The following HECTD2 variants were observed in gnomAD, a reference collection of about 807,000 sequenced individuals.
The protein encoded by HECTD2 is HECT domain E3 ubiquitin protein ligase 2, also known as probable E3 ubiquitin-protein ligase HECTD2.
In HECTD2, 35 loss-of-function variants were observed where a neutral mutation model predicts 103.2. The observed-to-expected ratio is 0.34, with a 90% CI of 0.26 to 0.45. The LOEUF (loss-of-function observed/expected upper bound fraction) is 0.45, where lower values mean the gene tolerates loss of function less well. Among genes scored for constraint, HECTD2 ranks in the 20% least tolerant of loss-of-function variants. The probability of loss-of-function intolerance (pLI) is 1.00; values close to 1 mark genes in which losing one functional copy is unlikely to be tolerated. For synonymous variants in HECTD2, 281 were observed against 329.9 expected (o/e 0.85, Z 1.61); for missense variants, 596 against 937.4 (o/e 0.64, Z 4.76).
intron 14 of HECTD2, among the ~76,000 whole-genome samples, chr10:91,495,774 T>A (rs1846643555): frequency 6.7e-6 from 1 of 149,952 alleles, no homozygotes; most frequent in Non-Finnish European, 1.5e-5. Context: ...TCTTCACACA[T>A]AGTCTGTTTT....
intron 2 of HECTD2, among the ~76,000 whole-genome samples, chr10:91,453,089 CAA>C (rs911160357): frequency 1.3e-5 from 2 of 152,036 alleles, no homozygotes; most frequent in African/African-American, 4.8e-5. Context: ...GTAGTTGAAA[CAA>C]AAATTATAAC....
chr10:91,469,531 A>G (rs973982736), intron 5 of HECTD2, among the ~76,000 whole-genome samples: 1 of 152,210 alleles, frequency 6.6e-6, no homozygotes, highest in African/African-American at 2.4e-5. Context: ...GAGAAATAAG[A>G]TACTTTTCTG....
intron 5 of HECTD2, among the ~76,000 whole-genome samples, chr10:91,471,758 G>C (rs987805355): frequency 1.3e-5 from 2 of 152,112 alleles, no homozygotes; most frequent in Non-Finnish European, 2.9e-5. Flanking sequence ...AACCAGTGAG[G>C]TAAGAGAGCA....
At chr10:91,494,188 A>G (rs1296705927) in intron 14 of HECTD2, among the ~76,000 whole-genome samples, 1 of 151,902 alleles carries the variant, frequency 6.6e-6, no homozygotes, top group Non-Finnish European at 1.5e-5. Context: ...CACTGGAGAT[A>G]AGAAAGTATA....
At position 91,512,742 on chromosome 10, in the gene HECTD2, G is replaced by A. The variant is rs115440963; in HGVS notation, c.*358G>A. ...GTATAGTTGAACCCAGTGGCAGATT[G>A]TACACTGCTAGCACTGCTAGCACAC... On this transcript the variant is annotated 3_prime_UTR_variant, in exon 21 of 21. Transcript: ENST00000298068. The A allele has an allele frequency of 0.012, 2,378 of 204,708 alleles. 52 individuals carry two copies. The highest frequency in any genetic ancestry group is 0.051 in the African/African-American group (2,225 of 43,726). The allele number at this position is 204,708 out of a possible 1,614,324, so 12.7% of individuals were successfully genotyped here.
chr10:91,454,584 T>A (rs987827924), intron 2 of HECTD2, among the ~76,000 whole-genome samples: 5 of 152,070 alleles, frequency 3.3e-5, no homozygotes, highest in Non-Finnish European at 5.9e-5. Context: ...CTTTTTTTTT[T>A]AATACTTTAA....
At chr10:91,503,756 G>C (rs182122402) in intron 20 of HECTD2, among the ~76,000 whole-genome samples, 1 of 152,172 alleles carries the variant, frequency 6.6e-6, no homozygotes, top group Non-Finnish European at 1.5e-5. Flanking sequence ...CAGGAAGCTC[G>C]AACTGGGTGG....
intron 6 of HECTD2, 33 bp downstream of exon 6, chr10:91,478,298 G>T (rs1224734608): frequency 1.5e-6 from 2 of 1,290,898 alleles, no homozygotes; most frequent in Non-Finnish European, 2.3e-6. Flanking sequence ...TAGCTAATCA[G>T]TATAGATGTC....
chr10:91,458,411 G>A (rs1043153085), intron 2 of HECTD2, among the ~76,000 whole-genome samples: 3 of 151,888 alleles, frequency 2.0e-5, no homozygotes, highest in African/African-American at 4.8e-5. Flanking sequence ...TATGTTTTTT[G>A]TTGTTGATAT....
intron 5 of HECTD2, among the ~76,000 whole-genome samples, chr10:91,477,602 T>C (rs1443575543): frequency 1.3e-5 from 2 of 152,198 alleles, no homozygotes; most frequent in Admixed American, 6.5e-5. Flanking sequence ...GAATGAGTGC[T>C]GATAGACATG....
chr10:91,427,634 C>T (rs1843626688), intron 2 of HECTD2, among the ~76,000 whole-genome samples: 1 of 152,162 alleles, frequency 6.6e-6, no homozygotes, highest in Non-Finnish European at 1.5e-5. Flanking sequence ...TTTTTGGCAG[C>T]ATAAATGTCT....
rs1847517772 is a variant in HECTD2, at chr10:91,513,886, A to G, written c.*1502A>G. The G allele has an allele frequency of 6.6e-6, 1 of 152,600 alleles. No homozygotes were observed. Among genetic ancestry groups the G allele is most frequent in the Non-Finnish European group, 1.5e-5 (1 of 68,016 alleles). The allele number at this position is 152,600 out of a possible 1,614,324, so 9.5% of individuals were successfully genotyped here. On this transcript the variant is annotated 3_prime_UTR_variant, in exon 21 of 21. Coordinates refer to ENST00000298068, the MANE Select transcript of HECTD2 (RefSeq NM_182765.6). The stretch of plus-strand genomic sequence containing the variant: ...AAGCCAACCCACAAATCTTTGAGGA[A>G]AAGGGGTCACTTTGTTTACTATTCT...
At chr10:91,479,234 T>C (rs1466294125) in intron 6 of HECTD2, among the ~76,000 whole-genome samples, 1 of 152,188 alleles carries the variant, frequency 6.6e-6, no homozygotes, top group Non-Finnish European at 1.5e-5. Context: ...ACTTTTTATA[T>C]AGCACATTCC....
intron 14 of HECTD2, among the ~76,000 whole-genome samples, chr10:91,495,243 C>T (rs1020753956): frequency 6.6e-6 from 1 of 151,874 alleles, no homozygotes; most frequent in Non-Finnish European, 1.5e-5. Flanking sequence ...CAGGTATGAA[C>T]ATTGAGAAAA....
intron 2 of HECTD2, among the ~76,000 whole-genome samples, chr10:91,453,600 TA>T (rs1239771645): frequency 6.6e-6 from 1 of 152,102 alleles, no homozygotes; most frequent in African/African-American, 2.4e-5. Flanking sequence ...AAGAGAATTC[TA>T]AAACATGTTT....
At position 91,485,270 on chromosome 10, in the gene HECTD2, A is replaced by G. The variant is rs1392442959; in HGVS notation, c.1061A>G (p.Tyr354Cys). Residue 354 changes from tyrosine to cysteine, a missense_variant, in exon 10 of 21, where the codon TAT becomes TGT. Physicochemically the swap from Tyr to Cys is radical, Grantham distance 194. Transcript: ENST00000298068. ...GATCACATTGATCTCATGGAAGAAT[A>G]TCATACTTGGCAAAACTTTGGAAAC... ...TLDHIDLMEE[Y>C]HTWQNFGNSH... 6.3e-7 allele frequency: 1 copy of G among 1,596,710 alleles called. No individual in the cohort carries two copies. The highest frequency in any genetic ancestry group is 2.3e-5 in the East Asian group (1 of 43,932).
At chr10:91,444,100 AGAGT>A (rs1356942467) in intron 2 of HECTD2, among the ~76,000 whole-genome samples, 1 of 152,094 alleles carries the variant, frequency 6.6e-6, no homozygotes, top group African/African-American at 2.4e-5. Flanking sequence ...TGGCTCCTAT[AGAGT>A]TTTTCTTCCT....
At chr10:91,438,262 G>A (rs1825175935) in intron 2 of HECTD2, among the ~76,000 whole-genome samples, 1 of 152,108 alleles carries the variant, frequency 6.6e-6, no homozygotes, top group Non-Finnish European at 1.5e-5. Flanking sequence ...GTCCTGGTGT[G>A]TGATGTTCCC....
rs977087753 is a variant in HECTD2, at chr10:91,512,294, A to G, written c.2241A>G (p.Gln747=). 1.9e-6 allele frequency: 3 copies of G among 1,613,738 alleles called. No homozygotes were observed. In the Admixed American group the frequency reaches 5.0e-5, roughly 27 times the overall value. The change falls in exon 21 of 21, where the codon CAA becomes CAG. Residue 747 remains glutamine (Q), a synonymous_variant. Transcript: ENST00000298068. ...CLPVAHTCFN[Q]LCLPPYKSKK... Reference sequence around the variant, plus strand: ...CTGTGGCCCATACCTGCTTCAATCAACTTTGCCTTCCCCCCTACAAGAGCA... The same window carrying G: ...CTGTGGCCCATACCTGCTTCAATCAGCTTTGCCTTCCCCCCTACAAGAGCA...
Sources: gnomAD v4.1 joint callset for allele counts (sites outside exome capture counted in the v4.1 genomes callset) on GRCh38, gnomAD v4.1.1 for gene constraint, MANE v1.5 for transcripts, NCBI Gene and HGNC (gene_info 2026-07-23, HGNC 2026-07-21) for gene names.